Variants in COL20A1 observed in about 807,000 individuals in gnomAD.
COL20A1 encodes the protein collagen alpha-1(XX) chain.
A neutral mutation model predicts 152.9 loss-of-function variants in COL20A1; 164 were observed. The ratio of observed to expected loss-of-function variants is 1.07; its 90% CI spans 0.94 to 1.22. The LOEUF (loss-of-function observed/expected upper bound fraction) is 1.22, where lower values mean the gene tolerates loss of function less well. Ranked by LOEUF, COL20A1 falls within the 50% of genes most tolerant of loss-of-function variation. The pLI, the probability that COL20A1 is intolerant of heterozygous loss-of-function variation, is 0.00. For missense variants in COL20A1, 1,873 were observed against 1,744.8 expected, an observed-to-expected ratio of 1.07 and a Z score of -1.31; for synonymous variants, 864 against 756.0, an observed-to-expected ratio of 1.14 and a Z score of -2.34.
At position 63,295,266 on chromosome 20, in the gene COL20A1, T is replaced by TCCGCCCCTGAGCCCC. The variant is rs1027764080; in HGVS notation, c.82+78_82+92dup. ...ACCAGTGCCCACGCGGGACGAGCCCTCCGCCCCTGAGCCCCGTCTTCCTCC... is the reference window on the plus strand; with the variant it reads ...ACCAGTGCCCACGCGGGACGAGCCCTCCGCCCCTGAGCCCCCCGCCCCTGAGCCCCGTCTTCCTCC... On this transcript the variant is annotated intron_variant, in intron 2 of 35. Coordinates refer to ENST00000358894, the MANE Select transcript of COL20A1 (RefSeq NM_020882.4). 1.2e-5 allele frequency: 11 copies of TCCGCCCCTGAGCCCC among 933,744 alleles called. No individual in the cohort carries two copies. The African/African-American group carries it at 1.8e-4, about 15-fold the overall frequency. The allele number at this position is 933,744 out of a possible 1,614,324, so 57.8% of individuals were successfully genotyped here.
chr20:63,313,348 C>G lies in COL20A1; in HGVS notation c.2209+99C>G. 1.5e-6 allele frequency: 2 copies of G among 1,320,432 alleles called. No homozygotes were observed. The highest frequency in any genetic ancestry group is 2.1e-6 in the Non-Finnish European group (2 of 969,592). 81.8% of individuals were successfully genotyped at this position (1,320,432 alleles called of 1,614,324 possible). A position where few individuals can be genotyped will look rare whatever the true frequency, so the allele number is the denominator to read the frequency against. On this transcript the variant is annotated intron_variant, in intron 17 of 35. Transcript: ENST00000358894. The surrounding 1 kb of genome is among the most constrained non-coding windows in gnomAD (Gnocchi z 5.9). ...GCACAGGCCCAGGACCCTAGACTCCCAGAACTGCTGGCTCCAGAGCCCTGA... is the reference window on the plus strand; with the variant it reads ...GCACAGGCCCAGGACCCTAGACTCCGAGAACTGCTGGCTCCAGAGCCCTGA...
At chr20:63,300,393 A>G (rs1342906381) in intron 3 of COL20A1, among the ~76,000 whole-genome samples, 4 of 152,122 alleles carry the variant, frequency 2.6e-5, no homozygotes, top group African/African-American at 7.2e-5. Flanking sequence ...AATTTCCTTA[A>G]CAGACATAGG....
chr20:63,329,102 G>C (rs1042963047), intron 34 of COL20A1: 2 of 173,230 alleles, frequency 1.2e-5, no homozygotes, highest in Admixed American at 1.1e-4. Context: ...GGGCAGCAGC[G>C]GGGGCATCTC....
chr20:63,311,340 G>A lies in COL20A1; in HGVS notation c.1394-54G>A. The stretch of plus-strand genomic sequence containing the variant: ...TCTGGTGTGAGGGTGCCCCGTGCGT[G>A]GGTGTGATCTCTGTGTGGGCTCCTT... On this transcript the variant is annotated intron_variant, in intron 11 of 35. Coordinates refer to ENST00000358894, the MANE Select transcript of COL20A1 (RefSeq NM_020882.4). The surrounding 1 kb of genome is among the most constrained non-coding windows in gnomAD (Gnocchi z 4.4). 1 of 1,501,336 alleles carries A rather than the reference G, an allele frequency of 6.7e-7. No individual in the cohort carries two copies. The highest frequency in any genetic ancestry group is 1.3e-5 in the South Asian group (1 of 78,834). 93.0% of individuals were successfully genotyped at this position (1,501,336 alleles called of 1,614,324 possible).
At chr20:63,315,274 G>A in intron 19 of COL20A1, 130 bp from the exon 20 acceptor site, 1 of 921,572 alleles carries the variant, frequency 1.1e-6, no homozygotes, top group East Asian at 2.6e-5. Context: ...ATGGGACATA[G>A]CACAGTCCCA....
Position 63,307,401 on chromosome 20 carries a change from T to C in COL20A1, c.497-89T>C, listed in dbSNP as rs181126774. ...AAACCTGGCCCAGCCTGCCTCACTC[T>C]TGTGGCTGGAGCCCCGGGGTAGGTG... On this transcript the variant is annotated intron_variant, in intron 5 of 35. Coordinates refer to ENST00000358894, the MANE Select transcript of COL20A1 (RefSeq NM_020882.4). 1.7e-4 allele frequency: 222 copies of C among 1,305,278 alleles called. 1 individual carries two copies. In the African/African-American group the frequency reaches 2.7e-3, roughly 16 times the overall value. 80.9% of individuals were successfully genotyped at this position (1,305,278 alleles called of 1,614,324 possible). A position where few individuals can be genotyped will look rare whatever the true frequency, so the allele number is the denominator to read the frequency against.
chr20:63,316,624 C>T lies in COL20A1; in HGVS notation c.2596C>T (p.Pro866Ser). The T allele has an allele frequency of 6.3e-7, 1 of 1,581,378 alleles. No homozygotes were observed. The highest frequency in any genetic ancestry group is 1.3e-5 in the African/African-American group (1 of 74,436). ...GTCCATCCGGGGCGTGGCCATGGAG[C>T]CCTCTGCCTTCGGTGGGACCCCGAC... ...YASIRGVAMEPSAFGGTPTFT... is the reference protein window; with the variant it reads ...YASIRGVAMESSAFGGTPTFT... Residue 866 changes from proline (P) to serine (S), a missense_variant, in exon 21 of 36, where the codon CCC (proline) becomes TCC (serine). By Grantham distance (74) the Pro-to-Ser change is moderately conservative. Coordinates refer to ENST00000358894, the MANE Select transcript of COL20A1 (RefSeq NM_020882.4).
At chr20:63,321,700 G>A (rs1261337909) in intron 26 of COL20A1, among the ~76,000 whole-genome samples, 2 of 152,204 alleles carry the variant, frequency 1.3e-5, no homozygotes, top group African/African-American at 4.8e-5. Context: ...GACCTGCCAT[G>A]GCTGCAGCTG....
intron 3 of COL20A1, among the ~76,000 whole-genome samples, chr20:63,303,055 C>G (rs565657395): frequency 1.3e-5 from 2 of 152,322 alleles, no homozygotes; most frequent in African/African-American, 4.8e-5. Flanking sequence ...CTGATGCCAT[C>G]AACTTGGTGA....
rs2067912399 is a variant in COL20A1 at position 63,305,473 on chromosome 20, G to A, written c.250G>A (p.Gly84Ser). 1 of 1,603,702 alleles carries A rather than the reference G, an allele frequency of 6.2e-7. No individual in the cohort carries two copies. The highest frequency in any genetic ancestry group is 8.5e-7 in the Non-Finnish European group (1 of 1,175,906). Residue 84 changes from glycine to serine, a missense_variant, in exon 4 of 36, where the codon GGC becomes AGC. Gly to Ser is a moderately conservative substitution (Grantham distance 56). Transcript: ENST00000358894. This position sits in a 1 kb window ranked among gnomAD's most constrained non-coding sequence, Gnocchi z 4.9. ...CAAGACCCCTAAGGCCACAGTGGGG[G>A]GCCTGAGCCCCTCCAAGGGCTACAC... ...TTKTPKATVG[G>S]LSPSKGYTLQ...
At position 63,312,461 on chromosome 20, in the gene COL20A1, T is replaced by C; in HGVS notation, c.1845T>C (p.Pro615=). 6.2e-7 allele frequency: 1 copy of C among 1,606,720 alleles called. No individual in the cohort carries two copies. The change falls in exon 15 of 36, where the codon CCT becomes CCC. Residue 615 remains proline, a synonymous_variant. Coordinates refer to ENST00000358894, the MANE Select transcript of COL20A1 (RefSeq NM_020882.4). The stretch of plus-strand genomic sequence containing the variant: ...ACGCCACCTCGGCCACGCTGGGGCC[T>C]CTCTCTTCCTCCACCACCTACACTG... ...PGNATSATLG[P]LSSSTTYTVR...
Position 63,325,978 on chromosome 20 carries a change from G to T in COL20A1, c.3403-118G>T, listed in dbSNP as rs2068241019. On this transcript the variant is annotated intron_variant, in intron 29 of 35. Transcript: ENST00000358894. ...GGGTAGGAGCCTGGCAGCCTCAGCT[G>T]CCTCACCTTTGCTGCTTGGGTTACA... 4.3e-6 allele frequency: 4 copies of T among 939,950 alleles called. No homozygotes were observed. In the East Asian group the frequency reaches 9.9e-5, roughly 23 times the overall value. 58.2% of individuals were successfully genotyped at this position (939,950 alleles called of 1,614,324 possible).
Position 63,333,731 on chromosome 20 carries a change from G to A in COL20A1, c.*3015G>A, listed in dbSNP as rs2068360880. ...TGTGCCCGCAGGACCAGCAGGTGAG[G>A]CGTGTCCACCCACAGAGGATGGCTC... On this transcript the variant is annotated 3_prime_UTR_variant, in exon 36 of 36. Transcript: ENST00000358894. 4.5e-5 allele frequency: 2 copies of A among 44,516 alleles called. No individual in the cohort carries two copies. The highest frequency in any genetic ancestry group is 1.8e-4 in the Non-Finnish European group (2 of 11,296). The allele number at this position is 44,516 out of a possible 1,614,324, so 2.8% of individuals were successfully genotyped here. A position where few individuals can be genotyped will look rare whatever the true frequency, so the allele number is the denominator to read the frequency against.
In COL20A1 at chr20:63,319,665, C is replaced by T. The variant is rs564777533; in HGVS notation, c.2916+69C>T. The T allele has an allele frequency of 3.7e-6, 4 of 1,073,296 alleles. No individual in the cohort carries two copies. Among genetic ancestry groups the T allele is most frequent in the South Asian group, 1.4e-5 (1 of 71,658 alleles). 66.5% of individuals were successfully genotyped at this position (1,073,296 alleles called of 1,614,324 possible). A position where few individuals can be genotyped will look rare whatever the true frequency, so the allele number is the denominator to read the frequency against. Reference sequence around the variant, plus strand: ...TGGGGCAGCCCAGCCCCACAGGGACCTGCCGGATGCCAACTCCTCTCCCTA... The same window carrying T: ...TGGGGCAGCCCAGCCCCACAGGGACTTGCCGGATGCCAACTCCTCTCCCTA... On this transcript the variant is annotated intron_variant, in intron 23 of 35. Coordinates refer to ENST00000358894, the MANE Select transcript of COL20A1 (RefSeq NM_020882.4). The surrounding 1 kb of genome is among the most constrained non-coding windows in gnomAD (Gnocchi z 4.4).
intron 27 of COL20A1, chr20:63,324,457 G>A (rs1006847378): frequency 2.0e-5 from 3 of 152,190 alleles, no homozygotes; most frequent in Admixed American, 2.0e-4. Flanking sequence ...GCGGAGACAG[G>A]TGCATTTTGT....
rs543554816 is a variant in COL20A1 at position 63,312,884 on chromosome 20, C to G, written c.2026C>G (p.Leu676Val). ...AWVAAAPSGV[L>V]VYQITWTPLG... The stretch of plus-strand genomic sequence containing the variant: ...GGTGGCCGCAGCCCCGTCTGGCGTG[C>G]TTGTCTACCAGATCACGTGGACGCC... Residue 676 changes from leucine to valine, a missense_variant, in exon 16 of 36, where the codon CTT becomes GTT. Transcript: ENST00000358894. 2 of 1,557,932 alleles carry G rather than the reference C, an allele frequency of 1.3e-6. No individual in the cohort carries two copies. Among genetic ancestry groups the G allele is most frequent in the Admixed American group, 1.9e-5 (1 of 52,210 alleles).
rs1009091490 is a variant in COL20A1 at position 63,300,078 on chromosome 20, G to A, written c.193+2058G>A. On this transcript the variant is annotated intron_variant, in intron 3 of 35. Coordinates refer to ENST00000358894, the MANE Select transcript of COL20A1 (RefSeq NM_020882.4). ...TTACAGGGGTGAGCCACTGTACCTGGCCTATCCCCTTTTATATGTTATTAA... is the reference window on the plus strand; with the variant it reads ...TTACAGGGGTGAGCCACTGTACCTGACCTATCCCCTTTTATATGTTATTAA... Among the ~76,000 whole-genome samples the A allele has an allele frequency of 9.2e-5, 14 of 152,058 alleles. No individual in the cohort carries two copies. In the East Asian group the frequency reaches 2.7e-3, roughly 29 times the overall value.
chr20:63,310,303 A>G, intron 10 of COL20A1, 78 bp from the exon 11 acceptor site: 1 of 1,516,676 alleles, frequency 6.6e-7, no homozygotes, highest in Non-Finnish European at 9.0e-7. Context: ...CTCACACTCC[A>G]GCTGACGGAG....
chr20:63,322,241 C>A, intron 27 of COL20A1, 130 bp downstream of exon 27: 1 of 719,880 alleles, frequency 1.4e-6, no homozygotes, highest in Non-Finnish European at 2.2e-6. Context: ...GGGGTCTCCC[C>A]AAGCTGCAGA....
Sources: gnomAD v4.1 joint callset for allele counts (sites outside exome capture counted in the v4.1 genomes callset) on GRCh38, gnomAD v4.1.1 for gene constraint, Gnocchi (gnomAD v3.1) non-coding constraint, MANE v1.5 for transcripts, NCBI Gene and HGNC (gene_info 2026-07-23, HGNC 2026-07-21) for gene names.